The following KCNK17 variants were observed in gnomAD, a reference collection of about 807,000 sequenced individuals.
KCNK17 encodes the protein potassium channel subfamily K member 17.
KCNK17 carries 27 observed loss-of-function variants against 24.6 expected under a neutral mutation model. The ratio of observed to expected loss-of-function variants is 1.10; its 90% CI spans 0.81 to 1.51. The LOEUF (loss-of-function observed/expected upper bound fraction) is 1.51. Among genes scored for constraint, KCNK17 ranks in the 40% most tolerant of loss-of-function variants. The pLI is 0.00. For synonymous variants in KCNK17, 181 were observed against 189.8 expected, an observed-to-expected ratio of 0.95 and a Z score of 0.38; for missense variants, 450 against 436.6, an observed-to-expected ratio of 1.03 and a Z score of -0.27.
At chr6:39,308,860 C>A (rs1378754890) in intron 2 of KCNK17, among the ~76,000 whole-genome samples, 1 of 152,228 alleles carries the variant, frequency 6.6e-6, no homozygotes, top group Non-Finnish European at 1.5e-5. Context: ...TCTCCCTCTC[C>A]TTCTCTCTCC....
At chr6:39,304,332 C>T in intron 3 of KCNK17, 163 bp downstream of exon 3, 1 of 777,380 alleles carries the variant, frequency 1.3e-6, no homozygotes, top group Non-Finnish European at 2.1e-6. Flanking sequence ...ACCATTAATG[C>T]CCTTTTTCAC....
intron 2 of KCNK17, among the ~76,000 whole-genome samples, chr6:39,308,986 TGG>T (rs925132998): frequency 6.6e-6 from 1 of 152,168 alleles, no homozygotes; most frequent in Non-Finnish European, 1.5e-5. Flanking sequence ...CCGTATGATC[TGG>T]GGGAGATGGT....
chr6:39,301,163 G>A (rs1562080215), intron 4 of KCNK17, among the ~76,000 whole-genome samples: 1 of 152,228 alleles, frequency 6.6e-6, no homozygotes, highest in Non-Finnish European at 1.5e-5. Context: ...ACTGATGGGA[G>A]CTGCTGTGAG....
At chr6:39,303,902 T>C in intron 4 of KCNK17, 55 bp downstream of exon 4, 7 of 1,575,244 alleles carry the variant, frequency 4.4e-6, no homozygotes, top group Non-Finnish European at 6.0e-6. Flanking sequence ...AGCAGATGAG[T>C]GAGAGGTATA....
At chr6:39,306,301 A>C (rs1406604072) in intron 2 of KCNK17, among the ~76,000 whole-genome samples, 3 of 152,260 alleles carry the variant, frequency 2.0e-5, no homozygotes, top group Middle Eastern at 3.4e-3. Context: ...GCCTTGGCCT[A>C]CCAAAGTGCT....
intron 4 of KCNK17, among the ~76,000 whole-genome samples, chr6:39,300,824 T>C (rs1761941050): frequency 1.3e-5 from 2 of 152,226 alleles, no homozygotes; most frequent in Non-Finnish European, 2.9e-5. Flanking sequence ...TTTTCCATTT[T>C]TCTTGGCCTG....
chr6:39,314,307 C>T lies in KCNK17; in HGVS notation c.14G>A (p.Arg5Gln), dbSNP rs139959421. The T allele has an allele frequency of 1.6e-3, 2,366 of 1,458,078 alleles. 39 individuals are homozygous for T. In the African/African-American group the frequency reaches 0.031, roughly 19 times the overall value. 90.3% of individuals were successfully genotyped at this position (1,458,078 alleles called of 1,614,324 possible). A position where few individuals can be genotyped will look rare whatever the true frequency, so the allele number is the denominator to read the frequency against. The change falls in exon 1 of 5, where the codon CGA becomes CAA. Residue 5 changes from arginine to glutamine, a missense_variant. Coordinates refer to ENST00000373231, the MANE Select transcript of KCNK17 (RefSeq NM_031460.4). MYRPRARAAPEGRVR... is the reference protein window; with the variant it reads MYRPQARAAPEGRVR... ...CCTGCCCTCGGGAGCCGCCCGGGCT[C>T]GCGGTCGGTACATAGCGGGAGAGGC...
chr6:39,311,929 C>T (rs1351656190), intron 1 of KCNK17, among the ~76,000 whole-genome samples: 1 of 152,042 alleles, frequency 6.6e-6, no homozygotes, highest in Admixed American at 6.5e-5. Flanking sequence ...GATGAAGTCG[C>T]AGGTATCAGC....
chr6:39,313,667 G>A (rs28680400), intron 1 of KCNK17, among the ~76,000 whole-genome samples: 2 of 152,182 alleles, frequency 1.3e-5, no homozygotes, highest in East Asian at 1.9e-4. Context: ...TGCCACGGGT[G>A]CGGGTGCGAC....
rs1443435662 is a variant in KCNK17, at chr6:39,304,032, C to A, written c.613G>T (p.Gly205Cys). 6.2e-7 allele frequency: 1 copy of A among 1,613,920 alleles called. No homozygotes were observed. The highest frequency in any genetic ancestry group is 1.1e-5 in the South Asian group (1 of 91,084). ...LPPLLFSHMEGWSYTEGFYFA... is the reference protein window; with the variant it reads ...LPPLLFSHMECWSYTEGFYFA... ...TAGAAGCCCTCTGTGTAGCTCCAGC[C>A]CTCCATGTGGGAGAAGAGCAGCGGT... The change falls in exon 4 of 5, where the codon GGC (glycine) becomes TGC (cysteine). Residue 205 changes from glycine (G) to cysteine (C), a missense_variant. Transcript: ENST00000373231.
chr6:39,308,056 G>T (rs919496599), intron 2 of KCNK17, among the ~76,000 whole-genome samples: 3 of 152,132 alleles, frequency 2.0e-5, no homozygotes, highest in Non-Finnish European at 4.4e-5. Context: ...TACAATAGGT[G>T]CCCCCATCAC....
At chr6:39,302,967 G>A (rs1761970278) in intron 4 of KCNK17, among the ~76,000 whole-genome samples, 2 of 152,282 alleles carry the variant, frequency 1.3e-5, no homozygotes, top group South Asian at 2.1e-4. Context: ...CCAGAGAGGA[G>A]ACATTTTAGG....
intron 4 of KCNK17, 31 bp from the exon 5 acceptor site, chr6:39,299,768 G>A (rs1187198078): frequency 1.6e-5 from 25 of 1,597,480 alleles, no homozygotes; most frequent in Non-Finnish European, 2.0e-5. Context: ...GACGATGGAG[G>A]CCTGGGAAAG....
chr6:39,312,116 C>T (rs1762150690), intron 1 of KCNK17, among the ~76,000 whole-genome samples: 1 of 152,154 alleles, frequency 6.6e-6, no homozygotes, highest in South Asian at 2.1e-4. Flanking sequence ...ATTCAGAAGC[C>T]CAGGCCTCTG....
Position 39,314,150 on chromosome 6 carries a change from G to A in KCNK17, c.171C>T (p.Arg57=). Residue 57 remains arginine, a synonymous_variant, in exon 1 of 5, where the codon CGC becomes CGT. Coordinates refer to ENST00000373231, the MANE Select transcript of KCNK17 (RefSeq NM_031460.4). ...AGTTCTGCAACAGCTCCCACTTGTC[G>A]CGCTGGAAGCTGCGGCTGGAGTCCT... is the stretch of plus-strand genomic sequence containing the variant. ...AAQDSSRSFQ[R]DKWELLQNFT... The A allele has an allele frequency of 6.3e-7, 1 of 1,583,362 alleles. No homozygotes were observed. The highest frequency in any genetic ancestry group is 8.6e-7 in the Non-Finnish European group (1 of 1,168,078).
Position 39,299,331 on chromosome 6 carries a change from G to A in KCNK17, c.*96C>T. The A allele has an allele frequency of 2.2e-6, 2 of 917,414 alleles. No homozygotes were observed. Among genetic ancestry groups the A allele is most frequent in the South Asian group, 1.7e-5 (1 of 59,392 alleles). The allele number at this position is 917,414 out of a possible 1,614,324, so 56.8% of individuals were successfully genotyped here. A position where few individuals can be genotyped will look rare whatever the true frequency, so the allele number is the denominator to read the frequency against. On this transcript the variant is annotated 3_prime_UTR_variant, in exon 5 of 5. Transcript: ENST00000373231. Reference sequence around the variant, plus strand: ...TATAGCTGCACCCAGCCTCTAGGGTGGATGGAAAATGTAGTCTTTAGTTTG... The same window carrying A: ...TATAGCTGCACCCAGCCTCTAGGGTAGATGGAAAATGTAGTCTTTAGTTTG...
Position 39,299,650 on chromosome 6 carries a change from A to G in KCNK17, c.776T>C (p.Ile259Thr), listed in dbSNP as rs1290790515. The G allele has an allele frequency of 6.2e-7, 1 of 1,614,082 alleles. No homozygotes were observed. Among genetic ancestry groups the G allele is most frequent in the Non-Finnish European group, 8.5e-7 (1 of 1,180,018 alleles). ...ILFGMAWLALIIKLILSQLET... is the reference protein window; with the variant it reads ...ILFGMAWLALTIKLILSQLET... ...CAGCTGGGAGAGGATGAGTTTGATG[A>G]TCAAGGCCAGCCATGCCATCCCAAA... Residue 259 changes from isoleucine (I) to threonine (T), a missense_variant, in exon 5 of 5, where the codon ATC (isoleucine) becomes ACC (threonine). Transcript: ENST00000373231.
In KCNK17 at chr6:39,304,668, G is replaced by T. The variant is rs369970460; in HGVS notation, c.353-13C>A. 18 of 1,603,378 alleles carry T rather than the reference G, an allele frequency of 1.1e-5. 1 individual carries two copies. The South Asian group carries it at 1.9e-4, about 17-fold the overall frequency. ...AGGTTGCCATAGCCTGAGGTGAGAG[G>T]GGGCACTCAGGGGACATTTCCAGCC... is the stretch of plus-strand genomic sequence containing the variant. On this transcript the variant is annotated splice_polypyrimidine_tract_variant and intron_variant, in intron 2 of 4. Transcript: ENST00000373231.
rs1562084401 is a variant in KCNK17 at position 39,311,121 on chromosome 6, A to ACAC, written c.238-115_238-114insGTG. ...ACACACACACACACACACACACACAAACAAACCTACACACACAGCCCTCAC... is the reference window on the plus strand; with the variant it reads ...ACACACACACACACACACACACACAACACACAAACCTACACACACAGCCCTCAC... On this transcript the variant is annotated intron_variant, in intron 1 of 4. Transcript: ENST00000373231. 3.2e-5 allele frequency: 16 copies of ACAC among 494,924 alleles called. 1 individual carries two copies. The highest frequency in any genetic ancestry group is 3.1e-4 in the African/African-American group (12 of 38,856). 30.7% of individuals were successfully genotyped at this position (494,924 alleles called of 1,614,324 possible).
Sources: allele counts gnomAD v4.1 joint callset (sites outside exome capture counted in the v4.1 genomes callset), GRCh38; gene constraint gnomAD v4.1.1; transcripts MANE v1.5; gene names NCBI Gene and HGNC (gene_info 2026-07-23, HGNC 2026-07-21).